Variants in PCDHA6 observed in about 807,000 individuals in gnomAD.
The protein encoded by PCDHA6 is protocadherin alpha 6.
A neutral mutation model predicts 60.3 loss-of-function variants in PCDHA6; 55 were observed. The ratio of observed to expected loss-of-function variants is 0.91; its 90% confidence interval spans 0.73 to 1.14. The LOEUF is 1.14. Ranked by LOEUF, PCDHA6 falls within the 50% of genes most tolerant of loss-of-function variation. The pLI is 0.00. For synonymous variants in PCDHA6, 652 were observed against 557.9 expected (o/e 1.17, Z -2.38); for missense variants, 1,327 against 1,256.5 (o/e 1.06, Z -0.85).
At position 140,850,183 on chromosome 5, in the gene PCDHA6, C is replaced by A. The variant is rs2150471701; in HGVS notation, c.2394+19698C>A. The A allele has an allele frequency of 1.8e-5, 29 of 1,593,776 alleles. 2 individuals carry two copies. In the South Asian group the frequency reaches 3.1e-4, roughly 17 times the overall value. On this transcript the variant is annotated intron_variant, in intron 1 of 3. Coordinates refer to ENST00000529310, the MANE Select transcript of PCDHA6 (RefSeq NM_018909.4). The stretch of plus-strand genomic sequence containing the variant: ...GTGCTGGACGAGAACGACAATGCGC[C>A]GGCGCTGCTGACACCTCGGATGAGG...
At chr5:140,875,228 T>C in intron 1 of PCDHA6, 5 of 832,094 alleles carry the variant, frequency 6.0e-6, no homozygotes, top group Non-Finnish European at 8.6e-6. Flanking sequence ...CTCAGGATCT[T>C]TCTTGTACTT....
At chr5:140,989,007 A>C (rs1356295875) in intron 3 of PCDHA6, 1 of 152,216 alleles carries the variant, frequency 6.6e-6, no homozygotes, top group Non-Finnish European at 1.5e-5. Flanking sequence ...ATAGAGACTT[A>C]TTATAGTTTC....
chr5:140,950,270 G>A (rs980703743), intron 1 of PCDHA6, among the ~76,000 whole-genome samples: 1 of 151,960 alleles, frequency 6.6e-6, no homozygotes, highest in East Asian at 1.9e-4. Flanking sequence ...TATCCATAAT[G>A]TCTTTTTGCT....
At chr5:140,844,714 T>C (rs1779510682) in intron 1 of PCDHA6, among the ~76,000 whole-genome samples, 1 of 149,562 alleles carries the variant, frequency 6.7e-6, no homozygotes, top group Admixed American at 6.7e-5. Context: ...TCATGGCCCA[T>C]TAGTTCGTGT....
rs782380359 is a variant in PCDHA6 at position 140,858,226 on chromosome 5, C to T, written c.2394+27741C>T. ...CACTGAGGTGCTCGGCGGCGCCCAC[C>T]GAGGGCGCATGTGGGCCGGTGAAGC... On this transcript the variant is annotated intron_variant, in intron 1 of 3. Transcript: ENST00000529310. 1.3e-5 allele frequency: 21 copies of T among 1,595,412 alleles called. 1 individual carries two copies. The highest frequency in any genetic ancestry group is 1.6e-5 in the Non-Finnish European group (19 of 1,165,410).
At chr5:140,997,740 C>T (rs568361121) in intron 3 of PCDHA6, among the ~76,000 whole-genome samples, 3 of 151,924 alleles carry the variant, frequency 2.0e-5, no homozygotes, top group African/African-American at 7.2e-5. Flanking sequence ...ATAGATTTGC[C>T]ACAATCTTCT....
chr5:140,831,953 T>G (rs1771773742), intron 1 of PCDHA6, among the ~76,000 whole-genome samples: 3 of 152,194 alleles, frequency 2.0e-5, no homozygotes, highest in Admixed American at 2.0e-4. Context: ...AAAGAAAAAC[T>G]TTATGTCATT....
chr5:140,878,516 G>C (rs2057626740), intron 1 of PCDHA6, among the ~76,000 whole-genome samples: 1 of 152,122 alleles, frequency 6.6e-6, no homozygotes, highest in African/African-American at 2.4e-5. Context: ...CAGTACAGTT[G>C]GTAACCAACT....
chr5:140,928,716 C>G (rs555492959), intron 1 of PCDHA6: 3 of 1,614,178 alleles, frequency 1.9e-6, no homozygotes, highest in Non-Finnish European at 2.5e-6. Flanking sequence ...ACTCTAGTCT[C>G]TTTAGAATTT....
intron 1 of PCDHA6, among the ~76,000 whole-genome samples, chr5:140,906,631 C>A (rs919514401): frequency 6.6e-6 from 1 of 152,238 alleles, no homozygotes; most frequent in East Asian, 1.9e-4. Context: ...TCAGCAAGCA[C>A]CTCAGCAGGT....
chr5:140,843,231 TGGACGAAGC>T lies in PCDHA6; in HGVS notation c.2394+12751_2394+12759del. 1.8e-5 allele frequency: 29 copies of T among 1,596,108 alleles called. 2 individuals carry two copies. The highest frequency in any genetic ancestry group is 2.5e-5 in the Non-Finnish European group (29 of 1,165,604). The stretch of plus-strand genomic sequence containing the variant: ...GGCGAGATCAGCACCACTCGTGTCC[TGGACGAAGC>T]GGACTCTCCGCGCCACCGTCTGCTG... On this transcript the variant is annotated intron_variant, in intron 1 of 3. Transcript: ENST00000529310.
At chr5:140,849,988 G>T (rs2150461736) in intron 1 of PCDHA6, 1 of 1,597,248 alleles carries the variant, frequency 6.3e-7, no homozygotes, top group Non-Finnish European at 8.6e-7. Flanking sequence ...GTGGAGCGGC[G>T]GTTGGGCGAG....
chr5:140,830,725 T>C (rs1319417645), intron 1 of PCDHA6: 15 of 221,188 alleles, frequency 6.8e-5, no homozygotes, highest in African/African-American at 2.7e-4. Flanking sequence ...AACCAAAATA[T>C]TCTTGGATAT....
intron 1 of PCDHA6, chr5:140,849,838 T>A: frequency 6.3e-7 from 1 of 1,598,422 alleles, no homozygotes; most frequent in Non-Finnish European, 8.6e-7. Flanking sequence ...GTGGCCGACG[T>A]GAACGACAAC....
chr5:140,918,473 T>G (rs1385942505), intron 1 of PCDHA6, among the ~76,000 whole-genome samples: 1 of 152,284 alleles, frequency 6.6e-6, no homozygotes, highest in East Asian at 1.9e-4. Context: ...ATTCCAAGTC[T>G]CAAGGGGAAT....
intron 1 of PCDHA6, chr5:140,876,718 G>T (rs1554168825): frequency 1.9e-6 from 3 of 1,614,124 alleles, no homozygotes; most frequent in African/African-American, 1.3e-5. Flanking sequence ...CCTGGACCGC[G>T]AGAGCGTGTC....
intron 1 of PCDHA6, among the ~76,000 whole-genome samples, chr5:140,897,323 T>TCCCTCCC (rs2065998893): frequency 1.7e-5 from 2 of 114,654 alleles, no homozygotes; most frequent in South Asian, 6.8e-4. Flanking sequence ...CCTAAAGCTA[T>TCCCTCCC]CCCTCCCCCC....
chr5:140,951,959 A>C (rs2094664205), intron 1 of PCDHA6, among the ~76,000 whole-genome samples: 1 of 152,202 alleles, frequency 6.6e-6, no homozygotes, highest in Admixed American at 6.5e-5. Context: ...GGCATTGGGT[A>C]AATACTCCTG....
intron 1 of PCDHA6, chr5:140,843,225 G>C: frequency 1.3e-6 from 2 of 1,596,120 alleles, no homozygotes; most frequent in Non-Finnish European, 1.7e-6. Context: ...AGCACCACTC[G>C]TGTCCTGGAC....
Sources: allele counts gnomAD v4.1 joint callset (sites outside exome capture counted in the v4.1 genomes callset), GRCh38; gene constraint gnomAD v4.1.1; transcripts MANE v1.5; gene names NCBI Gene and HGNC (gene_info 2026-07-23, HGNC 2026-07-21).